Variants in SEMA3A observed in about 807,000 individuals in gnomAD.
The protein encoded by SEMA3A is semaphorin-3A.
SEMA3A carries 29 observed loss-of-function variants against 97.9 expected under a neutral mutation model. The ratio of observed to expected loss-of-function variants is 0.30; its 90% CI spans 0.22 to 0.40. SEMA3A has a LOEUF of 0.40. Ranked by LOEUF, SEMA3A falls within the 10% of genes least tolerant of loss-of-function variation. SEMA3A has a pLI of 1.00. For synonymous variants in SEMA3A, 321 were observed against 323.7 expected (o/e 0.99, Z 0.09); for missense variants, 763 against 951.3 (o/e 0.80, Z 2.60).
chr7:84,112,773 T>C (rs966560064), intron 3 of SEMA3A, among the ~76,000 whole-genome samples: 8 of 152,328 alleles, frequency 5.3e-5, no homozygotes, highest in African/African-American at 1.9e-4. Context: ...CTGAATATCA[T>C]AATTTTAATT....
At chr7:84,018,969 A>C (rs1304343462) in intron 6 of SEMA3A, among the ~76,000 whole-genome samples, 1 of 152,204 alleles carries the variant, frequency 6.6e-6, no homozygotes, top group African/African-American at 2.4e-5. Context: ...TGAGGCCAAA[A>C]TGAAGGCAGG....
At chr7:83,981,979 T>C in intron 13 of SEMA3A, among the ~76,000 whole-genome samples, 1 of 118,020 alleles carries the variant, frequency 8.5e-6, no homozygotes, top group Non-Finnish European at 2.1e-5. Context: ...TTGAAAAAAC[T>C]TTGGGCTCAA....
chr7:84,256,460 G>A (rs1224356177), intron 3 of SEMA3A, among the ~76,000 whole-genome samples: 2 of 151,848 alleles, frequency 1.3e-5, no homozygotes, highest in Admixed American at 1.3e-4. Context: ...TAAAAATACT[G>A]TTTTAAAAAA....
chr7:84,406,410 G>C (rs1194942466), intron 1 of SEMA3A, among the ~76,000 whole-genome samples: 1 of 151,876 alleles, frequency 6.6e-6, no homozygotes, highest in Non-Finnish European at 1.5e-5. Context: ...ATAATTAATA[G>C]TTTACCAACC....
chr7:84,011,068 T>G lies in SEMA3A; in HGVS notation c.949A>C (p.Lys317Gln). The G allele has an allele frequency of 6.2e-7, 1 of 1,612,640 alleles. No homozygotes were observed. The highest frequency in any genetic ancestry group is 8.5e-7 in the Non-Finnish European group (1 of 1,178,996). Reference protein sequence around the residue: ...ELQDVFLMNFKDPKNPVVYGV... With the variant: ...ELQDVFLMNFQDPKNPVVYGV... ...TATACAACTGGATTTTTAGGATCTT[T>G]AAAGTTCATTAGGAATACATCCTCT... Residue 317 changes from lysine to glutamine, a missense_variant, in exon 9 of 17, where the codon AAA becomes CAA. Around this residue, in one of 2 missense-constraint regions of SEMA3A, gnomAD observed 678 missense variants for 881.3 expected, o/e 0.77. Transcript: ENST00000265362.
chr7:83,966,632 AT>A (rs1788702972), intron 15 of SEMA3A, among the ~76,000 whole-genome samples: 1 of 152,062 alleles, frequency 6.6e-6, no homozygotes, highest in South Asian at 2.1e-4. Context: ...ATACTATTGT[AT>A]TTCTTTGGTT....
At chr7:84,170,340 T>C (rs977663118) in intron 1 of SEMA3A, among the ~76,000 whole-genome samples, 1 of 152,050 alleles carries the variant, frequency 6.6e-6, no homozygotes, top group Admixed American at 6.5e-5. Flanking sequence ...GATGTGCAGC[T>C]ACTGCAATTT....
In SEMA3A at chr7:84,215,161, G is replaced by A. The variant is rs550399208; in HGVS notation, c.-82-20493C>T. On this transcript the variant is annotated intron_variant, in intron 3 of 3. Transcript: ENST00000424555. ...GTTGGGATTACAGGTGTGAGCCACCGCGCCTGGCCCTTATTTTATTTATTT... is the reference window on the plus strand; with the variant it reads ...GTTGGGATTACAGGTGTGAGCCACCACGCCTGGCCCTTATTTTATTTATTT... 1.7e-3 allele frequency among the ~76,000 whole-genome samples: 262 copies of A among 151,550 alleles called. 1 individual carries two copies. The highest frequency in any genetic ancestry group is 5.8e-3 in the African/African-American group (238 of 41,308).
At chr7:83,991,751 T>A (rs1353443533) in intron 12 of SEMA3A, among the ~76,000 whole-genome samples, 5 of 147,180 alleles carry the variant, frequency 3.4e-5, no homozygotes, top group Non-Finnish European at 6.0e-5. Context: ...TTTGCATCAA[T>A]GTTCATCAAG....
At chr7:83,966,717 C>CTT (rs35906806) in intron 15 of SEMA3A, among the ~76,000 whole-genome samples, 1 of 147,538 alleles carries the variant, frequency 6.8e-6, no homozygotes, top group Admixed American at 6.7e-5. Flanking sequence ...AATTTTTTTT[C>CTT]TTTTTTTTTT....
chr7:84,434,931 C>T (rs1805085864), intron 1 of SEMA3A, among the ~76,000 whole-genome samples: 1 of 152,062 alleles, frequency 6.6e-6, no homozygotes, highest in Non-Finnish European at 1.5e-5. Flanking sequence ...GGAAACATTC[C>T]CCTTGAGAAG....
At chr7:84,106,030 CA>C (rs760922257) in intron 4 of SEMA3A, among the ~76,000 whole-genome samples, 3 of 152,108 alleles carry the variant, frequency 2.0e-5, no homozygotes, top group Admixed American at 6.6e-5. Context: ...TACCAATTCC[CA>C]AATGTACCAC....
intron 1 of SEMA3A, among the ~76,000 whole-genome samples, chr7:84,145,636 G>C (rs1041254761): frequency 6.6e-6 from 1 of 151,910 alleles, no homozygotes; most frequent in African/African-American, 2.4e-5. Context: ...CATTCTATGT[G>C]CTCAGCACTG....
intron 1 of SEMA3A, among the ~76,000 whole-genome samples, chr7:84,383,165 T>C (rs1029501468): frequency 2.0e-5 from 3 of 152,108 alleles, no homozygotes; most frequent in African/African-American, 7.2e-5. Context: ...ATTTTAATAA[T>C]GAACTGGAGA....
At chr7:84,445,843 A>G (rs550622959) in intron 1 of SEMA3A, among the ~76,000 whole-genome samples, 2 of 151,902 alleles carry the variant, frequency 1.3e-5, no homozygotes, top group Admixed American at 6.6e-5. Context: ...AGAAAATAAT[A>G]AAGATTAGAG....
At chr7:84,024,229 T>C (rs1791455653) in intron 6 of SEMA3A, among the ~76,000 whole-genome samples, 1 of 151,788 alleles carries the variant, frequency 6.6e-6, no homozygotes, top group African/African-American at 2.4e-5. Context: ...TCCCAGTCAC[T>C]AGATTTGTTA....
chr7:84,016,851 G>C (rs12674315), intron 6 of SEMA3A, among the ~76,000 whole-genome samples: 38,764 of 151,984 alleles, frequency 0.26, 5,797 homozygotes, highest in East Asian at 0.42. Context: ...GTAAGTTTGA[G>C]GATATTATAA....
At chr7:84,113,336 C>T (rs576438849) in intron 3 of SEMA3A, among the ~76,000 whole-genome samples, 195 of 152,204 alleles carry the variant, frequency 1.3e-3, no homozygotes, top group Non-Finnish European at 2.5e-3. Flanking sequence ...CATTCATTTG[C>T]CTTCATTCTC....
intron 4 of SEMA3A, among the ~76,000 whole-genome samples, chr7:84,096,023 TA>T (rs2115875278): frequency 6.6e-6 from 1 of 152,222 alleles, no homozygotes; most frequent in South Asian, 2.1e-4. Flanking sequence ...AAGCCAACTA[TA>T]TTTTAACAAT....
Sources: gnomAD v4.1 joint callset for allele counts (sites outside exome capture counted in the v4.1 genomes callset) on GRCh38, gnomAD v4.1.1 for gene constraint, gnomAD v4.1.1 regional missense constraint, MANE v1.5 for transcripts, NCBI Gene and HGNC (gene_info 2026-07-23, HGNC 2026-07-21) for gene names.